The following L3MBTL4 variants were observed in gnomAD, a reference collection of about 807,000 sequenced individuals.
The protein encoded by L3MBTL4 is lethal(3)malignant brain tumor-like protein 4.
In L3MBTL4, 70 loss-of-function variants were observed where a neutral mutation model predicts 84.5. That is an observed-to-expected ratio of 0.83 (90% CI 0.68 to 1.01). The LOEUF (loss-of-function observed/expected upper bound fraction) is 1.01. L3MBTL4 is among the 50% of genes least tolerant of loss of function. L3MBTL4 has a pLI of 0.00. For synonymous variants in L3MBTL4, 274 were observed against 259.8 expected (o/e 1.05, Z -0.52); for missense variants, 715 against 754.8 (o/e 0.95, Z 0.62).
chr18:6,010,884 A>G (rs142524672), intron 16 of L3MBTL4, among the ~76,000 whole-genome samples: 61 of 152,346 alleles, frequency 4.0e-4, no homozygotes, highest in African/African-American at 1.4e-3. Flanking sequence ...GCTAAACATC[A>G]AGAAGAACAT....
chr18:6,281,711 A>G (rs188333388), intron 4 of L3MBTL4, among the ~76,000 whole-genome samples: 10 of 152,340 alleles, frequency 6.6e-5, no homozygotes, highest in African/African-American at 2.4e-4. Flanking sequence ...TAAAAAATTA[A>G]TTACGACAAC....
At chr18:6,324,921 A>G (rs1261302494) in intron 1 of L3MBTL4, among the ~76,000 whole-genome samples, 1 of 152,234 alleles carries the variant, frequency 6.6e-6, no homozygotes, top group African/African-American at 2.4e-5. Context: ...TAACTTCATT[A>G]GTAATCAGGA....
At chr18:6,139,508 CACAT>C (rs761807340) in intron 13 of L3MBTL4, among the ~76,000 whole-genome samples, 6 of 151,980 alleles carry the variant, frequency 3.9e-5, no homozygotes, top group Non-Finnish European at 8.8e-5. Flanking sequence ...CACACACACA[CACAT>C]ACACATGTGC....
At chr18:6,307,008 A>G (rs926415145) in intron 3 of L3MBTL4, among the ~76,000 whole-genome samples, 1 of 152,078 alleles carries the variant, frequency 6.6e-6, no homozygotes, top group Non-Finnish European at 1.5e-5. Context: ...CATATATCAC[A>G]CACGTCACCT....
chr18:5,958,098 AAG>A (rs1567911476), intron 18 of L3MBTL4, among the ~76,000 whole-genome samples: 2 of 72,384 alleles, frequency 2.8e-5, no homozygotes, highest in Non-Finnish European at 2.3e-5. Context: ...GAAGAAGAAG[AAG>A]AAGAAGAAGA....
At chr18:6,128,481 AG>A (rs761042582) in intron 14 of L3MBTL4, among the ~76,000 whole-genome samples, 7 of 152,114 alleles carry the variant, frequency 4.6e-5, no homozygotes, top group African/African-American at 7.2e-5. Flanking sequence ...GTTCTTGCAG[AG>A]GGGAGGGGAG....
intron 1 of L3MBTL4, among the ~76,000 whole-genome samples, chr18:6,325,353 A>G (rs1266233175): frequency 6.6e-6 from 1 of 152,156 alleles, no homozygotes; most frequent in African/African-American, 2.4e-5. Flanking sequence ...AAAAGACTAT[A>G]TACTACTTTT....
intron 1 of L3MBTL4, among the ~76,000 whole-genome samples, chr18:6,363,511 C>T (rs923623996): frequency 1.3e-5 from 2 of 152,176 alleles, no homozygotes; most frequent in East Asian, 3.9e-4. Flanking sequence ...GGTTTTACTA[C>T]CTACCATACC....
intron 13 of L3MBTL4, among the ~76,000 whole-genome samples, chr18:6,148,281 A>T (rs2144785153): frequency 6.6e-6 from 1 of 152,376 alleles, no homozygotes; most frequent in East Asian, 1.9e-4. Flanking sequence ...CTCTTTTTAT[A>T]TTACAGAATA....
At chr18:6,331,421 C>G (rs747793004) in intron 1 of L3MBTL4, among the ~76,000 whole-genome samples, 1 of 152,088 alleles carries the variant, frequency 6.6e-6, no homozygotes, top group Non-Finnish European at 1.5e-5. Flanking sequence ...TCAATTATAA[C>G]AAAACTGCCC....
At chr18:6,146,345 G>A (rs1260669030) in intron 13 of L3MBTL4, among the ~76,000 whole-genome samples, 1 of 152,214 alleles carries the variant, frequency 6.6e-6, no homozygotes, top group Non-Finnish European at 1.5e-5. Flanking sequence ...TGTCCATGAA[G>A]AAGAGAAGTC....
chr18:6,123,024 T>C (rs572576498), intron 14 of L3MBTL4, among the ~76,000 whole-genome samples: 1 of 152,208 alleles, frequency 6.6e-6, no homozygotes, highest in African/African-American at 2.4e-5. Flanking sequence ...TAAAAGATTA[T>C]ATTTTCTTTT....
chr18:6,220,990 G>T (rs2046526871), intron 10 of L3MBTL4, among the ~76,000 whole-genome samples: 1 of 152,116 alleles, frequency 6.6e-6, no homozygotes, highest in Admixed American at 6.5e-5. Context: ...CGTCTGATCT[G>T]TGGCATCTAT....
chr18:6,168,912 T>G (rs1177418151), intron 13 of L3MBTL4, among the ~76,000 whole-genome samples: 1 of 151,706 alleles, frequency 6.6e-6, no homozygotes, highest in African/African-American at 2.4e-5. Context: ...TGGGAGAAAA[T>G]TTTTGCAACC....
chr18:6,155,286 G>A (rs2043056308), intron 13 of L3MBTL4, among the ~76,000 whole-genome samples: 1 of 152,150 alleles, frequency 6.6e-6, no homozygotes, highest in South Asian at 2.1e-4. Flanking sequence ...AATAAAATTA[G>A]GAGTATTCTA....
intron 11 of L3MBTL4, among the ~76,000 whole-genome samples, chr18:6,213,791 A>C (rs904796323): frequency 6.6e-6 from 1 of 152,216 alleles, no homozygotes; most frequent in African/African-American, 2.4e-5. Context: ...AGAAAAAATA[A>C]TTTTTTGGCC....
At chr18:6,286,320 T>C (rs2049586472) in intron 4 of L3MBTL4, among the ~76,000 whole-genome samples, 1 of 151,536 alleles carries the variant, frequency 6.6e-6, no homozygotes, top group African/African-American at 2.4e-5. Flanking sequence ...AAGAATTAGC[T>C]GGGCATGGTG....
At chr18:6,343,598 C>A (rs1386818260) in intron 1 of L3MBTL4, among the ~76,000 whole-genome samples, 1 of 148,706 alleles carries the variant, frequency 6.7e-6, no homozygotes, top group Non-Finnish European at 1.5e-5. Flanking sequence ...AGAGGCAGAG[C>A]TTGCAGCGAG....
chr18:6,148,090 T>C (rs146313359), intron 13 of L3MBTL4, among the ~76,000 whole-genome samples: 2 of 152,252 alleles, frequency 1.3e-5, no homozygotes, highest in Non-Finnish European at 2.9e-5. Context: ...TATGAGCCAT[T>C]GTAAGGATTA....
Sources: allele counts gnomAD v4.1 joint callset (sites outside exome capture counted in the v4.1 genomes callset), GRCh38; gene constraint gnomAD v4.1.1; transcripts MANE v1.5; gene names NCBI Gene and HGNC (gene_info 2026-07-23, HGNC 2026-07-21).